PHC1: variants seen among roughly 807,000 people sequenced by gnomAD.
PHC1 encodes polyhomeotic-like protein 1.
Under a neutral mutation model 104.3 loss-of-function variants are expected in PHC1, and 12 were observed. The ratio of observed to expected loss-of-function variants is 0.12; its 90% CI spans 0.07 to 0.19. The LOEUF is 0.19. PHC1 is among the 10% of genes least tolerant of loss of function. The probability of loss-of-function intolerance (pLI) is 1.00; values close to 1 mark genes in which losing one functional copy is unlikely to be tolerated. For synonymous variants in PHC1, 302 were observed against 455.8 expected, an observed-to-expected ratio of 0.66 and a Z score of 4.30; for missense variants, 671 against 1,200.0, an observed-to-expected ratio of 0.56 and a Z score of 6.51.
chr12:8,924,476 C>T (rs1945460066), intron 6 of PHC1, among the ~76,000 whole-genome samples: 3 of 151,840 alleles, frequency 2.0e-5, no homozygotes, highest in African/African-American at 7.3e-5. Context: ...ACTCCGTCTC[C>T]AAAACAAAAA....
At chr12:8,926,630 G>T (rs1289969968) in intron 6 of PHC1, among the ~76,000 whole-genome samples, 1 of 139,528 alleles carries the variant, frequency 7.2e-6, no homozygotes, top group African/African-American at 2.7e-5. Context: ...AAAAAAAAAG[G>T]CCAGCGCTGT....
chr12:8,923,587 G>T (rs1945426033), intron 6 of PHC1, among the ~76,000 whole-genome samples: 1 of 152,128 alleles, frequency 6.6e-6, no homozygotes, highest in African/African-American at 2.4e-5. Context: ...CCAGCACTTT[G>T]GGAGGCCGAG....
intron 6 of PHC1, among the ~76,000 whole-genome samples, chr12:8,925,115 G>T (rs150095242): frequency 2.6e-5 from 4 of 152,180 alleles, no homozygotes; most frequent in Non-Finnish European, 5.9e-5. Flanking sequence ...CATCTGATGG[G>T]TCAGATTCCA....
chr12:8,919,631 C>A lies in PHC1; in HGVS notation c.115-125C>A. ...GGAAAATCAGCCGTTGACGATTTAG[C>A]CCAAACTCCCATCTCCTCTGGTTTC... is the stretch of plus-strand genomic sequence containing the variant. On this transcript the variant is annotated intron_variant, in intron 2 of 14. Transcript: ENST00000544916. This position sits in a 1 kb window ranked among gnomAD's most constrained non-coding sequence, Gnocchi z 4.9. The A allele has an allele frequency of 1.1e-6, 1 of 939,226 alleles. No homozygotes were observed. Among genetic ancestry groups the A allele is most frequent in the Non-Finnish European group, 1.6e-6 (1 of 627,526 alleles). 58.2% of individuals were successfully genotyped at this position (939,226 alleles called of 1,614,324 possible).
At chr12:8,924,454 C>T (rs928818002) in intron 6 of PHC1, among the ~76,000 whole-genome samples, 4 of 152,052 alleles carry the variant, frequency 2.6e-5, no homozygotes, top group Non-Finnish European at 5.9e-5. Context: ...CCAGCCTGGG[C>T]GACAGAGTGA....
chr12:8,929,531 CTTTTT>C (rs965309403), intron 6 of PHC1, among the ~76,000 whole-genome samples: 1 of 143,500 alleles, frequency 7.0e-6, no homozygotes, highest in Non-Finnish European at 1.5e-5. Flanking sequence ...AAAATAATGT[CTTTTT>C]TTTTTTTTCT....
intron 11 of PHC1, among the ~76,000 whole-genome samples, chr12:8,936,632 G>C (rs1444907524): frequency 1.3e-5 from 2 of 152,132 alleles, no homozygotes; most frequent in African/African-American, 4.8e-5. Context: ...ATCTAAAATG[G>C]AGAGAGTTCG....
chr12:8,924,989 C>T (rs1317551375), intron 6 of PHC1, among the ~76,000 whole-genome samples: 2 of 152,148 alleles, frequency 1.3e-5, no homozygotes, highest in Non-Finnish European at 2.9e-5. Flanking sequence ...CAATGGGAGC[C>T]ACGAGTGAGG....
Position 8,937,230 on chromosome 12 carries a change from G to T in PHC1, c.2532G>T (p.Glu844Asp). 6.2e-7 allele frequency: 1 copy of T among 1,613,600 alleles called. No homozygotes were observed. Among genetic ancestry groups the T allele is most frequent in the East Asian group, 2.2e-5 (1 of 44,878 alleles). Residue 844 changes from glutamate to aspartate, a missense_variant, in exon 13 of 15, where the codon GAG (glutamate) becomes GAT (aspartate). Physicochemically the swap from Glu to Asp is conservative, Grantham distance 45. Around this residue, in one of 9 missense-constraint regions of PHC1, gnomAD observed 192 missense variants for 280.5 expected, o/e 0.68. Transcript: ENST00000544916. ...QFRLKRKKMK[E>D]FQEANYARVR... ...GGCTGAAGAGGAAAAAAATGAAAGA[G>T]TTTCAAGAAGCCAACTATGCTCGCG...
chr12:8,923,058 T>TAGA (rs1945410962), intron 6 of PHC1, among the ~76,000 whole-genome samples: 1 of 152,186 alleles, frequency 6.6e-6, no homozygotes, highest in African/African-American at 2.4e-5. Flanking sequence ...TCACCATCCT[T>TAGA]CTAGTCCTCT....
intron 13 of PHC1, 134 bp downstream of exon 13, chr12:8,937,460 T>C: frequency 1.2e-6 from 1 of 828,742 alleles, no homozygotes; most frequent in South Asian, 1.9e-5. Flanking sequence ...TTACTACAAA[T>C]TCCAAGAGAT....
At chr12:8,916,549 G>A (rs1945206302) in intron 1 of PHC1, among the ~76,000 whole-genome samples, 1 of 152,008 alleles carries the variant, frequency 6.6e-6, no homozygotes, top group African/African-American at 2.4e-5. Context: ...GTCATTTAGT[G>A]CTGCTTTGGA....
chr12:8,930,544 C>G lies in PHC1; in HGVS notation c.722C>G (p.Ser241Cys). ...PPGASPVSSL[S>C]QASSQALAVA... ...GGAGCCTCCCCTGTCTCTAGCCTCTCCCAGGCCTCTAGCCAGGCCCTAGCG... is the reference window on the plus strand; with the variant it reads ...GGAGCCTCCCCTGTCTCTAGCCTCTGCCAGGCCTCTAGCCAGGCCCTAGCG... The change falls in exon 7 of 15, where the codon TCC (serine) becomes TGC (cysteine). Residue 241 changes from serine (S) to cysteine (C), a missense_variant. Around this residue, in one of 9 missense-constraint regions of PHC1, gnomAD observed 237 missense variants for 331.1 expected, o/e 0.72. Transcript: ENST00000544916. 6.4e-7 allele frequency: 1 copy of G among 1,565,100 alleles called. No individual in the cohort carries two copies. Among genetic ancestry groups the G allele is most frequent in the Non-Finnish European group, 8.7e-7 (1 of 1,154,716 alleles).
At chr12:8,920,025 T>C (rs1460750775) in intron 3 of PHC1, 159 bp downstream of exon 3, 4 of 1,169,108 alleles carry the variant, frequency 3.4e-6, no homozygotes, top group Non-Finnish European at 4.8e-6. Flanking sequence ...CATCTTAGCT[T>C]CTGGGGTTGC....
At position 8,933,929 on chromosome 12, in the gene PHC1, C is replaced by T. The variant is rs755057916; in HGVS notation, c.1958C>T (p.Ser653Phe). 7.4e-6 allele frequency: 12 copies of T among 1,612,522 alleles called. No individual in the cohort carries two copies. In the South Asian group the frequency reaches 1.1e-4, roughly 15 times the overall value. Residue 653 changes from serine (S) to phenylalanine (F), a missense_variant, in exon 9 of 15, where the codon TCC (serine) becomes TTC (phenylalanine). Around this residue, in one of 9 missense-constraint regions of PHC1, gnomAD observed 95 missense variants for 108.8 expected, o/e 0.87. Transcript: ENST00000544916. ...ADSEEERDDV[S>F]TLGSMLPAKA... ...TCTGAGGAGGAGAGAGATGATGTCTCCACATTGGGTTCAATGCTTCCTGCC... is the reference window on the plus strand; with the variant it reads ...TCTGAGGAGGAGAGAGATGATGTCTTCACATTGGGTTCAATGCTTCCTGCC...
At chr12:8,927,041 CAG>C (rs1357045078) in intron 6 of PHC1, among the ~76,000 whole-genome samples, 2 of 152,144 alleles carry the variant, frequency 1.3e-5, no homozygotes, top group African/African-American at 4.8e-5. Flanking sequence ...CGTGGGCTGA[CAG>C]AGGCGAATGG....
intron 6 of PHC1, among the ~76,000 whole-genome samples, chr12:8,925,341 G>A (rs1337031563): frequency 1.3e-5 from 2 of 152,098 alleles, no homozygotes; most frequent in Non-Finnish European, 2.9e-5. Context: ...CCTTAGCGTT[G>A]GATGCCCAAG....
intron 6 of PHC1, among the ~76,000 whole-genome samples, chr12:8,924,427 G>A (rs1945458006): frequency 6.6e-6 from 1 of 152,198 alleles, no homozygotes; most frequent in Non-Finnish European, 1.5e-5. Flanking sequence ...AGTGAGCTGA[G>A]ATCGTGCCAC....
intron 2 of PHC1, 44 bp downstream of exon 2, chr12:8,917,835 T>A: frequency 9.8e-7 from 1 of 1,019,536 alleles, no homozygotes; most frequent in South Asian, 1.5e-5. Context: ...AGTCTTGGCT[T>A]GTGGTAGGCA....
Sources: allele counts gnomAD v4.1 joint callset (sites outside exome capture counted in the v4.1 genomes callset), GRCh38; gene constraint gnomAD v4.1.1; regional missense constraint gnomAD v4.1.1; non-coding constraint Gnocchi (gnomAD v3.1); transcripts MANE v1.5; gene names NCBI Gene and HGNC (gene_info 2026-07-23, HGNC 2026-07-21).